Variants in SEMA3E observed in about 807,000 individuals in gnomAD.
SEMA3E encodes the protein semaphorin 3E, also known as semaphorin-3E.
In SEMA3E, 49 loss-of-function variants were observed where a neutral mutation model predicts 93.6. That is an observed-to-expected ratio of 0.52 (90% CI 0.42 to 0.66). The LOEUF (loss-of-function observed/expected upper bound fraction) is 0.66. SEMA3E is among the 30% of genes least tolerant of loss of function. The pLI is 0.00. For synonymous variants in SEMA3E, 363 were observed against 330.7 expected (o/e 1.10, Z -1.06); for missense variants, 906 against 964.8 (o/e 0.94, Z 0.81).
Position 83,533,313 on chromosome 7 carries a change from G to C in SEMA3E, c.116-43039C>G, listed in dbSNP as rs935190100. Among the ~76,000 whole-genome samples the C allele has an allele frequency of 3.9e-5, 6 of 152,226 alleles. No homozygotes were observed. The South Asian group carries it at 1.2e-3, about 32-fold the overall frequency. On this transcript the variant is annotated intron_variant, in intron 1 of 16. Transcript: ENST00000643230. ...TCCCAACACTTTGGGAGGCCAAGGTGGGCAGATCACTTGAGGTTAGGAGTA... is the reference window on the plus strand; with the variant it reads ...TCCCAACACTTTGGGAGGCCAAGGTCGGCAGATCACTTGAGGTTAGGAGTA...
chr7:83,466,373 C>T, intron 4 of SEMA3E, 109 bp downstream of exon 4: 2 of 1,310,356 alleles, frequency 1.5e-6, no homozygotes, highest in South Asian at 1.2e-5. Flanking sequence ...TGATTCAGTA[C>T]ATCGCAAATG....
At chr7:83,394,636 A>G (rs1364598862) in intron 12 of SEMA3E, among the ~76,000 whole-genome samples, 2 of 152,198 alleles carry the variant, frequency 1.3e-5, no homozygotes, top group Non-Finnish European at 2.9e-5. Flanking sequence ...TTGGAAACTC[A>G]AGTATCTTTA....
chr7:83,565,995 C>CTT (rs750248438), intron 1 of SEMA3E, among the ~76,000 whole-genome samples: 2,943 of 112,670 alleles, frequency 0.026, 314 homozygotes, highest in African/African-American at 0.097. Context: ...TGTTTCCACT[C>CTT]TTTTTTTTTT....
intron 16 of SEMA3E, among the ~76,000 whole-genome samples, chr7:83,381,820 A>G (rs577843104): frequency 3.3e-5 from 5 of 151,986 alleles, no homozygotes; most frequent in Non-Finnish European, 5.9e-5. Context: ...ATAGGCATAT[A>G]GTAGAAGCTT....
chr7:83,545,160 T>A (rs373430532), intron 1 of SEMA3E, among the ~76,000 whole-genome samples: 2 of 152,242 alleles, frequency 1.3e-5, no homozygotes, highest in East Asian at 1.9e-4. Flanking sequence ...TATTGTGCAT[T>A]TATACCTCAT....
chr7:83,507,856 T>C (rs1584296788), intron 1 of SEMA3E, among the ~76,000 whole-genome samples: 1 of 151,474 alleles, frequency 6.6e-6, no homozygotes, highest in Non-Finnish European at 1.5e-5. Flanking sequence ...GAGGCTGAGG[T>C]GGGAGGATAG....
chr7:83,431,020 CATTG>C (rs1441836288), intron 4 of SEMA3E, among the ~76,000 whole-genome samples: 3 of 149,558 alleles, frequency 2.0e-5, no homozygotes, highest in Non-Finnish European at 3.0e-5. Context: ...TGCATGAAAA[CATTG>C]ATTATTAATG....
chr7:83,557,775 C>T (rs1232924942), intron 1 of SEMA3E, among the ~76,000 whole-genome samples: 1 of 152,132 alleles, frequency 6.6e-6, no homozygotes, highest in Non-Finnish European at 1.5e-5. Flanking sequence ...AGCCTAACAG[C>T]AAGCTAGCTC....
intron 1 of SEMA3E, among the ~76,000 whole-genome samples, chr7:83,588,364 A>G (rs1289414250): frequency 6.6e-6 from 1 of 152,052 alleles, no homozygotes; most frequent in Admixed American, 6.6e-5. Context: ...CTGGTGGCAG[A>G]GCAAGACTCT....
Position 83,475,726 on chromosome 7 carries a change from C to G in SEMA3E, c.277-6424G>C, listed in dbSNP as rs1562798797. Among the ~76,000 whole-genome samples the G allele has an allele frequency of 2.0e-5, 3 of 152,196 alleles. No homozygotes were observed. In the South Asian group the frequency reaches 6.2e-4, roughly 31 times the overall value. On this transcript the variant is annotated intron_variant, in intron 2 of 16. Coordinates refer to ENST00000643230, the MANE Select transcript of SEMA3E (RefSeq NM_012431.3). The stretch of plus-strand genomic sequence containing the variant: ...TCTGACAGCATCTATGTAACTGTGA[C>G]AGGCTAACCTGTCTTGAGAGCAAGA...
At chr7:83,439,970 C>A (rs1789080005) in intron 4 of SEMA3E, among the ~76,000 whole-genome samples, 1 of 152,190 alleles carries the variant, frequency 6.6e-6, no homozygotes, top group African/African-American at 2.4e-5. Flanking sequence ...GTATCTAACA[C>A]CAGCTTTTCA....
chr7:83,596,078 C>T (rs576117077), intron 1 of SEMA3E, among the ~76,000 whole-genome samples: 1 of 152,064 alleles, frequency 6.6e-6, no homozygotes, highest in East Asian at 1.9e-4. Context: ...TGTCTCTTCT[C>T]TCATTTACTT....
chr7:83,434,709 CTTTTTTTTTTTTT>C (rs76539180), intron 4 of SEMA3E, among the ~76,000 whole-genome samples: 36,791 of 121,354 alleles, frequency 0.3, 5,056 homozygotes, highest in Middle Eastern at 0.42. Context: ...AACTGTATTT[CTTTTTTTTTTTTT>C]TTTTTTTTTG....
rs1794644454 is a variant in SEMA3E at position 83,364,986 on chromosome 7, A to G, written c.*2600T>C. ...AAAGCCTGGGCATTTCTCACAACAGATTCTGAATTTGAATTAATTCTAACC... is the reference window on the plus strand; with the variant it reads ...AAAGCCTGGGCATTTCTCACAACAGGTTCTGAATTTGAATTAATTCTAACC... On this transcript the variant is annotated 3_prime_UTR_variant, in exon 17 of 17. Coordinates refer to ENST00000643230, the MANE Select transcript of SEMA3E (RefSeq NM_012431.3). The G allele has an allele frequency of 6.6e-6, 1 of 152,240 alleles. No homozygotes were observed. Among genetic ancestry groups the G allele is most frequent in the Admixed American group, 6.5e-5 (1 of 15,286 alleles). The allele number at this position is 152,240 out of a possible 1,614,324, so 9.4% of individuals were successfully genotyped here. A position where few individuals can be genotyped will look rare whatever the true frequency, so the allele number is the denominator to read the frequency against.
At chr7:83,469,853 G>A (rs542277676) in intron 2 of SEMA3E, among the ~76,000 whole-genome samples, 438 of 152,204 alleles carry the variant, frequency 2.9e-3, no homozygotes, top group Non-Finnish European at 4.4e-3. Context: ...CTGGAGTGCA[G>A]CGGTGTGATC....
chr7:83,489,001 G>A (rs1398982571), intron 2 of SEMA3E, among the ~76,000 whole-genome samples: 1 of 151,980 alleles, frequency 6.6e-6, no homozygotes, highest in South Asian at 2.1e-4. Flanking sequence ...GGAAACAAGG[G>A]CAGAAGAAAG....
intron 10 of SEMA3E, among the ~76,000 whole-genome samples, chr7:83,401,389 G>A (rs770744806): frequency 1.3e-5 from 2 of 152,012 alleles, no homozygotes; most frequent in Non-Finnish European, 2.9e-5. Context: ...TTTAAAATCA[G>A]ACCATATTTC....
chr7:83,470,200 G>T, intron 2 of SEMA3E, among the ~76,000 whole-genome samples: 1 of 152,098 alleles, frequency 6.6e-6, no homozygotes, highest in Admixed American at 6.5e-5. Context: ...CTGATAAGAA[G>T]AATATATCGA....
intron 1 of SEMA3E, among the ~76,000 whole-genome samples, chr7:83,513,703 T>A (rs1562814235): frequency 6.6e-6 from 1 of 152,218 alleles, no homozygotes; most frequent in Non-Finnish European, 1.5e-5. Flanking sequence ...GTAATTTCCG[T>A]ATGTAATTTT....
Sources: allele counts gnomAD v4.1 joint callset (sites outside exome capture counted in the v4.1 genomes callset), GRCh38; gene constraint gnomAD v4.1.1; transcripts MANE v1.5; gene names NCBI Gene and HGNC (gene_info 2026-07-23, HGNC 2026-07-21).